Variants in NRG1 observed in about 807,000 individuals in gnomAD.
NRG1 encodes neuregulin 1.
A neutral mutation model predicts 63.8 loss-of-function variants in NRG1; 18 were observed. That is an observed-to-expected ratio of 0.28 (90% CI 0.19 to 0.42). The LOEUF is 0.42. Among genes scored for constraint, NRG1 ranks in the 10% least tolerant of loss-of-function variants. The pLI is 1.00. For missense variants in NRG1, 762 were observed against 814.7 expected, an observed-to-expected ratio of 0.94 and a Z score of 0.79; for synonymous variants, 302 against 301.3, an observed-to-expected ratio of 1.00 and a Z score of -0.02.
At chr8:32,351,219 C>G (rs1377791411) in intron 1 of NRG1, among the ~76,000 whole-genome samples, 1 of 151,916 alleles carries the variant, frequency 6.6e-6, no homozygotes, top group Non-Finnish European at 1.5e-5. Context: ...TCTCTTTTTC[C>G]TTACTTTGTA....
intron 1 of NRG1, among the ~76,000 whole-genome samples, chr8:32,324,784 C>T (rs1218689509): frequency 2.6e-5 from 4 of 152,130 alleles, no homozygotes; most frequent in Non-Finnish European, 5.9e-5. Context: ...TTATTAAAAC[C>T]TTCAGGATAG....
rs202038797 is a variant in NRG1 at position 32,511,367 on chromosome 8, G to GTATATATATATA, written c.38-84440_38-84429dup. The stretch of plus-strand genomic sequence containing the variant: ...TGTGTCTGTCTGTCGATATATATGT[G>GTATATATATATA]TATATATATATATATATATATATAT... On this transcript the variant is annotated intron_variant, in intron 1 of 10. Transcript: ENST00000519301. Among the ~76,000 whole-genome samples, 238 of 122,006 alleles carry GTATATATATATA rather than the reference G, an allele frequency of 2.0e-3. 2 individuals carry two copies. The highest frequency in any genetic ancestry group is 2.2e-3 in the Non-Finnish European group (129 of 58,278). 80.0% of individuals were successfully genotyped at this position (122,006 alleles called of 152,430 possible).
At chr8:32,760,071 G>C (rs1291695549) in intron 10 of NRG1, 129 bp from the exon 11 acceptor site, 2 of 985,346 alleles carry the variant, frequency 2.0e-6, no homozygotes, top group Non-Finnish European at 3.0e-6. Flanking sequence ...GGAGACAAGT[G>C]ATGTTACAGT....
rs576825519 is a variant in NRG1 at position 32,149,819 on chromosome 8, C to T, written c.38-446009C>T. Reference sequence around the variant, plus strand: ...AATTACCTTCCCTAGATGTCAGTGTCCCAATTTGGAAAACAGAGTTTGGTC... The same window carrying T: ...AATTACCTTCCCTAGATGTCAGTGTTCCAATTTGGAAAACAGAGTTTGGTC... On this transcript the variant is annotated intron_variant, in intron 1 of 10. Coordinates refer to the NRG1 transcript ENST00000519301. 5.3e-5 allele frequency among the ~76,000 whole-genome samples: 8 copies of T among 152,266 alleles called. 1 individual carries two copies. In the South Asian group the frequency reaches 1.7e-3, roughly 32 times the overall value.
At chr8:32,153,014 T>A (rs1052196824) in intron 1 of NRG1, among the ~76,000 whole-genome samples, 2 of 152,184 alleles carry the variant, frequency 1.3e-5, no homozygotes, top group Non-Finnish European at 2.9e-5. Flanking sequence ...TGCCTAGTGC[T>A]TAATAGGACA....
chr8:31,750,466 A>G (rs1477470185), intron 1 of NRG1, among the ~76,000 whole-genome samples: 3 of 151,966 alleles, frequency 2.0e-5, no homozygotes, highest in Non-Finnish European at 4.4e-5. Flanking sequence ...TTCCTGTCCA[A>G]GGTGGTGATC....
intron 1 of NRG1, among the ~76,000 whole-genome samples, chr8:32,138,113 G>T (rs867147115): frequency 6.6e-6 from 1 of 152,036 alleles, no homozygotes; most frequent in Non-Finnish European, 1.5e-5. Flanking sequence ...CTTACTGCCT[G>T]TTCCTTGCAT....
At chr8:31,682,753 T>C (rs1808470126) in intron 1 of NRG1, among the ~76,000 whole-genome samples, 1 of 152,126 alleles carries the variant, frequency 6.6e-6, no homozygotes, top group South Asian at 2.1e-4. Context: ...ACAAACGTTA[T>C]ATGGAATAAA....
At chr8:31,702,609 A>G (rs1810740989) in intron 1 of NRG1, among the ~76,000 whole-genome samples, 1 of 152,150 alleles carries the variant, frequency 6.6e-6, no homozygotes, top group Non-Finnish European at 1.5e-5. Flanking sequence ...AATGGCTACA[A>G]GCATGCTTAG....
At position 31,974,129 on chromosome 8, in the gene NRG1, G is replaced by A. The variant is rs1807769733; in HGVS notation, c.37+334698G>A. ...CGTTATATGAGTCTTCATGTTCATA[G>A]GCAAAACAAAACAAAACAACAGGCA... On this transcript the variant is annotated intron_variant, in intron 1 of 10. Transcript: ENST00000519301. Among the ~76,000 whole-genome samples, 3 of 152,202 alleles carry A rather than the reference G, an allele frequency of 2.0e-5. No homozygotes were observed. In the South Asian group the frequency reaches 6.2e-4, roughly 32 times the overall value.
At chr8:32,197,975 C>T (rs888770746) in intron 1 of NRG1, among the ~76,000 whole-genome samples, 10 of 131,600 alleles carry the variant, frequency 7.6e-5, no homozygotes, top group Admixed American at 2.1e-4. Flanking sequence ...CACGCATGCA[C>T]GCGCACACAC....
chr8:32,265,232 G>A (rs898207534), intron 1 of NRG1, among the ~76,000 whole-genome samples: 1 of 152,074 alleles, frequency 6.6e-6, no homozygotes, highest in African/African-American at 2.4e-5. Context: ...CTACTCAGGA[G>A]GCTCAGATAG....
chr8:31,731,269 T>C (rs13263989), intron 1 of NRG1, among the ~76,000 whole-genome samples: 43,660 of 152,110 alleles, frequency 0.29, 7,268 homozygotes, highest in Non-Finnish European at 0.36. Flanking sequence ...TGGAAAATAC[T>C]AACCGAAGTC....
intron 5 of NRG1, among the ~76,000 whole-genome samples, chr8:32,627,782 C>T (rs1849565594): frequency 6.6e-6 from 1 of 152,032 alleles, no homozygotes; most frequent in African/African-American, 2.4e-5. Flanking sequence ...AATTATAAAA[C>T]AAAAATTTTG....
chr8:31,993,310 G>A (rs1811395885), intron 1 of NRG1, among the ~76,000 whole-genome samples: 1 of 151,882 alleles, frequency 6.6e-6, no homozygotes, highest in Admixed American at 6.6e-5. Context: ...CTGAAGCATG[G>A]GGTCCAGGGA....
At chr8:32,261,066 C>T (rs567780048) in intron 1 of NRG1, among the ~76,000 whole-genome samples, 2 of 152,072 alleles carry the variant, frequency 1.3e-5, no homozygotes, top group Non-Finnish European at 2.9e-5. Context: ...CTAGGCATGA[C>T]CTTAGATTTA....
intron 1 of NRG1, among the ~76,000 whole-genome samples, chr8:32,072,490 T>G (rs1394396889): frequency 6.6e-6 from 1 of 152,148 alleles, no homozygotes; most frequent in Non-Finnish European, 1.5e-5. Context: ...AACAAATGTT[T>G]CCAGTTTTCT....
chr8:32,743,746 A>AGTT (rs746629191), intron 7 of NRG1, among the ~76,000 whole-genome samples: 19,139 of 151,718 alleles, frequency 0.13, 1,532 homozygotes, highest in East Asian at 0.36. Flanking sequence ...AACTGGACAC[A>AGTT]TATAACTTCT....
intron 1 of NRG1, among the ~76,000 whole-genome samples, chr8:32,154,365 C>T (rs1453205892): frequency 2.0e-5 from 3 of 151,850 alleles, no homozygotes; most frequent in African/African-American, 7.3e-5. Flanking sequence ...CTCCCTTCCA[C>T]TTCCTGCCTT....
Sources: allele counts gnomAD v4.1 joint callset (sites outside exome capture counted in the v4.1 genomes callset), GRCh38; gene constraint gnomAD v4.1.1; transcripts MANE v1.5; gene names NCBI Gene and HGNC (gene_info 2026-07-23, HGNC 2026-07-21).